Variants in ZDHHC21 observed in about 807,000 individuals in gnomAD.
The protein encoded by ZDHHC21 is palmitoyltransferase ZDHHC21.
Under a neutral mutation model 34.6 loss-of-function variants are expected in ZDHHC21, and 15 were observed. That is an observed-to-expected ratio of 0.43 (90% confidence interval 0.29 to 0.67). The LOEUF (loss-of-function observed/expected upper bound fraction) is 0.67. ZDHHC21 is among the 30% of genes least tolerant of loss of function. The pLI is 0.14. For synonymous variants in ZDHHC21, 142 were observed against 101.8 expected, an observed-to-expected ratio of 1.40 and a Z score of -2.38; for missense variants, 344 against 327.7, an observed-to-expected ratio of 1.05 and a Z score of -0.38.
At chr9:14,658,596 C>A (rs990699964) in intron 7 of ZDHHC21, among the ~76,000 whole-genome samples, 153 bp downstream of exon 7, 1 of 149,028 alleles carries the variant, frequency 6.7e-6, no homozygotes, top group Admixed American at 6.7e-5. Context: ...CTCAGCCTCC[C>A]GAGTAGCTGG....
intron 2 of ZDHHC21, among the ~76,000 whole-genome samples, chr9:14,682,282 T>C (rs1036262653): frequency 6.6e-6 from 1 of 152,158 alleles, no homozygotes; most frequent in African/African-American, 2.4e-5. Flanking sequence ...CAGTGTGCTG[T>C]ATTCAGGAGA....
chr9:14,609,035 G>C (rs1325230463), downstream of ZDHHC21, among the ~76,000 whole-genome samples: 1 of 152,010 alleles, frequency 6.6e-6, no homozygotes, highest in Non-Finnish European at 1.5e-5. Flanking sequence ...CAGAGTCAAT[G>C]AATCTAGTCT....
chr9:14,606,709 T>A (rs940934798), downstream of ZDHHC21, among the ~76,000 whole-genome samples: 2 of 151,990 alleles, frequency 1.3e-5, no homozygotes, highest in African/African-American at 4.8e-5. Context: ...GAAAAACAAG[T>A]GACTGGGCTA....
Position 14,617,345 on chromosome 9 carries a change from C to T in ZDHHC21, c.*1621G>A, listed in dbSNP as rs1393005966. 1.3e-5 allele frequency: 2 copies of T among 151,954 alleles called. No homozygotes were observed. The highest frequency in any genetic ancestry group is 6.6e-5 in the Admixed American group (1 of 15,214). The allele number at this position is 151,954 out of a possible 1,614,324, so 9.4% of individuals were successfully genotyped here. A position where few individuals can be genotyped will look rare whatever the true frequency, so the allele number is the denominator to read the frequency against. ...AAGTAATAAAGTATTCTAATTAGAA[C>T]ATGAAAAACATGATATTAACATCTC... On this transcript the variant is annotated 3_prime_UTR_variant, in exon 10 of 10. Transcript: ENST00000380916.
chr9:14,687,765 A>G (rs1263378044), intron 2 of ZDHHC21, among the ~76,000 whole-genome samples: 1 of 151,070 alleles, frequency 6.6e-6, no homozygotes, highest in Non-Finnish European at 1.5e-5. Flanking sequence ...TCAAAACTAT[A>G]AAATGTCATT....
Position 14,663,040 on chromosome 9 carries a change from G to C in ZDHHC21, c.254-714C>G, listed in dbSNP as rs554654311. On this transcript the variant is annotated intron_variant, in intron 5 of 9. Transcript: ENST00000380916. ...AACTAGCAATTTCCTCTAATCTGGA[G>C]TGAAACAGCACACGATTAAGCTCTG... is the stretch of plus-strand genomic sequence containing the variant. Among the ~76,000 whole-genome samples the C allele has an allele frequency of 3.7e-4, 57 of 152,280 alleles. 1 individual carries two copies. In the South Asian group the frequency reaches 0.012, roughly 32 times the overall value.
rs1170772985 is a variant in ZDHHC21 at position 14,613,970 on chromosome 9, C to A, written c.*4996G>T. On this transcript the variant is annotated 3_prime_UTR_variant, in exon 10 of 10. Transcript: ENST00000380916. Reference sequence around the variant, plus strand: ...ATATTTATAAAAGGCATCTGACCAACTGAAGAGAAACCGCAATATAAATTC... The same window carrying A: ...ATATTTATAAAAGGCATCTGACCAAATGAAGAGAAACCGCAATATAAATTC... The A allele has an allele frequency of 6.6e-6, 1 of 151,784 alleles. No individual in the cohort carries two copies. The highest frequency in any genetic ancestry group is 2.4e-5 in the African/African-American group (1 of 41,402). The allele number at this position is 151,784 out of a possible 1,614,324, so 9.4% of individuals were successfully genotyped here.
intron 2 of ZDHHC21, among the ~76,000 whole-genome samples, chr9:14,688,533 G>A (rs1478903151): frequency 6.7e-6 from 1 of 150,328 alleles, no homozygotes; most frequent in Non-Finnish European, 1.5e-5. Flanking sequence ...CAGCAGCCTG[G>A]GCAACACAGC....
the ZDHHC21 span, among the ~76,000 whole-genome samples, chr9:14,590,422 T>C: frequency 6.6e-6 from 1 of 152,008 alleles, no homozygotes; most frequent in Admixed American, 6.6e-5. Flanking sequence ...TAAACTCAAG[T>C]AGATAATCAC....
intron 6 of ZDHHC21, among the ~76,000 whole-genome samples, chr9:14,659,924 G>T (rs1214117832): frequency 2.0e-5 from 3 of 152,136 alleles, no homozygotes; most frequent in African/African-American, 4.8e-5. Flanking sequence ...ATTGAAAGAT[G>T]ACTTATCATT....
chr9:14,689,810 G>A (rs964716929), intron 2 of ZDHHC21, among the ~76,000 whole-genome samples: 1 of 152,138 alleles, frequency 6.6e-6, no homozygotes, highest in Non-Finnish European at 1.5e-5. Context: ...TGTTGTCCAG[G>A]CTGGAGTGCT....
intron 6 of ZDHHC21, among the ~76,000 whole-genome samples, chr9:14,659,746 A>G (rs1430274742): frequency 6.6e-6 from 1 of 152,216 alleles, no homozygotes; most frequent in Non-Finnish European, 1.5e-5. Flanking sequence ...TTTTAAAGTC[A>G]AATACAGACC....
chr9:14,607,103 T>C, downstream of ZDHHC21, among the ~76,000 whole-genome samples: 1 of 96,542 alleles, frequency 1.0e-5, no homozygotes, highest in Non-Finnish European at 2.3e-5. Flanking sequence ...AAAAAAAATC[T>C]ACATGATGCC....
At chr9:14,653,834 G>C (rs917626686) in intron 7 of ZDHHC21, among the ~76,000 whole-genome samples, 2 of 151,872 alleles carry the variant, frequency 1.3e-5, no homozygotes, top group East Asian at 3.9e-4. Flanking sequence ...ACACCTATGA[G>C]GAAACAGTTC....
At chr9:14,639,693 T>A (rs1243637739) in intron 8 of ZDHHC21, among the ~76,000 whole-genome samples, 5 of 152,122 alleles carry the variant, frequency 3.3e-5, no homozygotes, top group Non-Finnish European at 7.4e-5. Context: ...ACTGTATTTG[T>A]TAGCTTTTAA....
Position 14,624,564 on chromosome 9 carries a change from G to A in ZDHHC21, c.622-4882C>T, listed in dbSNP as rs144584342. 4.4e-3 allele frequency among the ~76,000 whole-genome samples: 663 copies of A among 152,194 alleles called. 8 individuals carry two copies. The highest frequency in any genetic ancestry group is 0.015 in the African/African-American group (637 of 41,548). On this transcript the variant is annotated intron_variant, in intron 8 of 9. Coordinates refer to ENST00000380916, the MANE Select transcript of ZDHHC21 (RefSeq NM_178566.6). Reference sequence around the variant, plus strand: ...AGTTAAAGAAAGACAAATACTGACTGTTCTCACTCATATGCAGAATCTTAA... The same window carrying A: ...AGTTAAAGAAAGACAAATACTGACTATTCTCACTCATATGCAGAATCTTAA...
At chr9:14,630,979 T>C (rs1034537468) in intron 8 of ZDHHC21, among the ~76,000 whole-genome samples, 1 of 152,228 alleles carries the variant, frequency 6.6e-6, no homozygotes, top group African/African-American at 2.4e-5. Flanking sequence ...ATTTTTGGAA[T>C]GGCAAATGAG....
At chr9:14,641,495 T>C (rs183468385) in intron 7 of ZDHHC21, among the ~76,000 whole-genome samples, 4 of 152,296 alleles carry the variant, frequency 2.6e-5, no homozygotes, top group African/African-American at 7.2e-5. Flanking sequence ...ATCATTCTTA[T>C]GCATACTTTT....
chr9:14,686,946 C>T (rs531435405), intron 2 of ZDHHC21, among the ~76,000 whole-genome samples: 1 of 147,688 alleles, frequency 6.8e-6, no homozygotes, highest in Admixed American at 6.7e-5. Context: ...GCACTCCAGC[C>T]TGGGCGACAG....
Sources: allele counts gnomAD v4.1 joint callset (sites outside exome capture counted in the v4.1 genomes callset), GRCh38; gene constraint gnomAD v4.1.1; transcripts MANE v1.5; gene names NCBI Gene and HGNC (gene_info 2026-07-23, HGNC 2026-07-21).